PCDHGB6: variants seen among roughly 807,000 people sequenced by gnomAD.
The protein encoded by PCDHGB6 is protocadherin gamma-B6.
PCDHGB6 carries 51 observed loss-of-function variants against 59.1 expected under a neutral mutation model. The observed-to-expected ratio is 0.86, with a 90% CI of 0.69 to 1.09. The LOEUF (loss-of-function observed/expected upper bound fraction) is 1.09. PCDHGB6 is among the 50% of genes least tolerant of loss of function. The pLI, the probability that PCDHGB6 is intolerant of heterozygous loss-of-function variation, is 0.00. For synonymous variants in PCDHGB6, 466 were observed against 495.1 expected (o/e 0.94, Z 0.78); for missense variants, 1,148 against 1,205.1 (o/e 0.95, Z 0.70).
chr5:141,419,414 GCCTTCGACCACGAGCAGCTGCGCA>G, intron 1 of PCDHGB6: 1 of 1,613,428 alleles, frequency 6.2e-7, no homozygotes, highest in South Asian at 1.1e-5. Context: ...CGCGCAGCGC[GCCTTCGACCACGAGCAGCTGCGCA>G]CCTTCGAGCT....
intron 2 of PCDHGB6, among the ~76,000 whole-genome samples, chr5:141,503,598 C>CAAAAAAA (rs765754054): frequency 1.5e-5 from 1 of 65,730 alleles, no homozygotes; most frequent in Non-Finnish European, 3.4e-5. Flanking sequence ...GACTCCAGCT[C>CAAAAAAA]AAAAAAAAAA....
rs1437533706 is a variant in PCDHGB6, at chr5:141,511,419, G to C, written c.*246G>C. On this transcript the variant is annotated 3_prime_UTR_variant, in exon 4 of 4. Transcript: ENST00000520790. ...ATCCAATCAACTGCTGTACCCATGG[G>C]GGTAGTGGGGTTACTGTAGACACCA... The C allele has an allele frequency of 2.4e-6, 2 of 830,456 alleles. No individual in the cohort carries two copies. The highest frequency in any genetic ancestry group is 5.8e-5 in the East Asian group (2 of 34,260). 51.4% of individuals were successfully genotyped at this position (830,456 alleles called of 1,614,324 possible).
Position 141,432,075 on chromosome 5 carries a change from C to T in PCDHGB6, c.2418+21455C>T. On this transcript the variant is annotated intron_variant, in intron 1 of 3. Transcript: ENST00000520790. The surrounding 1 kb of genome is among the most constrained non-coding windows in gnomAD (Gnocchi z 6.0). ...CCCCTATCCACGGAAACTCATATCT[C>T]GCTGAACGTGGCAGACACCAACGAC... 3 of 1,614,204 alleles carry T rather than the reference C, an allele frequency of 1.9e-6. No homozygotes were observed. Among genetic ancestry groups the T allele is most frequent in the Non-Finnish European group, 2.5e-6 (3 of 1,180,046 alleles).
rs370704205 is a variant in PCDHGB6, at chr5:141,422,166, T to C, written c.2418+11546T>C. 4.5e-6 allele frequency: 7 copies of C among 1,569,374 alleles called. No individual in the cohort carries two copies. In the South Asian group the frequency reaches 8.5e-5, roughly 19 times the overall value. ...GGGGGTCTCTGGATTTTGAAAAATA[T>C]AGATTCTATGAGATGGAAATTCAAG... On this transcript the variant is annotated intron_variant, in intron 1 of 3. Coordinates refer to ENST00000520790, the MANE Select transcript of PCDHGB6 (RefSeq NM_018926.3).
chr5:141,409,000 C>CACTG lies in PCDHGB6; in HGVS notation c.801_804dup (p.Gln269Ter). On this transcript the variant is annotated frameshift_variant, in exon 1 of 4. Coordinates refer to ENST00000520790, the MANE Select transcript of PCDHGB6 (RefSeq NM_018926.3). LOFTEE classifies it high-confidence loss of function. Reference sequence around the variant, plus strand: ...GGTCCCCTGTGTTGCAAGTGACAGCCACTGACCAGGATGAGGGGGTCAATG... The same window carrying CACTG: ...GGTCCCCTGTGTTGCAAGTGACAGCCACTGACTGACCAGGATGAGGGGGTCAATG... The CACTG allele has an allele frequency of 6.2e-7, 1 of 1,613,950 alleles. No individual in the cohort carries two copies. The highest frequency in any genetic ancestry group is 8.5e-7 in the Non-Finnish European group (1 of 1,179,890).
chr5:141,433,255 A>G (rs2097579829), intron 1 of PCDHGB6: 2 of 1,401,470 alleles, frequency 1.4e-6, no homozygotes, highest in South Asian at 1.4e-5. Context: ...ATGCAGCGGT[A>G]CGATCATAGC....
rs911954966 is a variant in PCDHGB6, at chr5:141,491,081, C to G, written c.2419-3726C>G. On this transcript the variant is annotated intron_variant, in intron 1 of 3. Coordinates refer to ENST00000520790, the MANE Select transcript of PCDHGB6 (RefSeq NM_018926.3). This position sits in a 1 kb window ranked among gnomAD's most constrained non-coding sequence, Gnocchi z 6.9. ...TCCTACTCACTGTTGCCACAGTCCACAGCCCCAGGACTGTTCCTCGTGTCT... is the reference window on the plus strand; with the variant it reads ...TCCTACTCACTGTTGCCACAGTCCAGAGCCCCAGGACTGTTCCTCGTGTCT... The G allele has an allele frequency of 4.3e-6, 7 of 1,614,176 alleles. No individual in the cohort carries two copies. Among genetic ancestry groups the G allele is most frequent in the Non-Finnish European group, 5.9e-6 (7 of 1,180,010 alleles).
At chr5:141,456,364 G>A (rs778916049) in intron 1 of PCDHGB6, among the ~76,000 whole-genome samples, 2 of 152,258 alleles carry the variant, frequency 1.3e-5, no homozygotes, top group Admixed American at 6.5e-5. Flanking sequence ...TCCATGTGTG[G>A]TTCAGTTTAC....
At chr5:141,416,200 T>G (rs1318033556) in intron 1 of PCDHGB6, 2 of 152,444 alleles carry the variant, frequency 1.3e-5, no homozygotes, top group African/African-American at 4.8e-5. Context: ...ATTAACAATT[T>G]ATTTATAACA....
Position 141,453,270 on chromosome 5 carries a change from T to C in PCDHGB6, c.2419-41537T>C, listed in dbSNP as rs1592250907. 4.6e-5 allele frequency among the ~76,000 whole-genome samples: 7 copies of C among 152,146 alleles called. No homozygotes were observed. In the South Asian group the frequency reaches 1.5e-3, roughly 32 times the overall value. On this transcript the variant is annotated intron_variant, in intron 1 of 3. Transcript: ENST00000520790. The stretch of plus-strand genomic sequence containing the variant: ...CTGGGGCTGCAAGTGCACACCACCA[T>C]GACTGGCTAATTTTTTAATTATTTA...
At chr5:141,444,492 T>C (rs1052885639) in intron 1 of PCDHGB6, among the ~76,000 whole-genome samples, 1 of 152,122 alleles carries the variant, frequency 6.6e-6, no homozygotes, top group East Asian at 1.9e-4. Context: ...TTATATTGTG[T>C]AATACTTTGC....
In PCDHGB6 at chr5:141,485,053, G is replaced by A. The variant is rs555996081; in HGVS notation, c.2419-9754G>A. On this transcript the variant is annotated intron_variant, in intron 1 of 3. Coordinates refer to ENST00000520790, the MANE Select transcript of PCDHGB6 (RefSeq NM_018926.3). The surrounding 1 kb of genome is among the most constrained non-coding windows in gnomAD (Gnocchi z 5.7). ...GCGCGTAACCCTTGCGGCGCCGGCC[G>A]AACCGCGCCAGAGCTGGCGCGGGGA... 6.9e-5 allele frequency: 57 copies of A among 820,742 alleles called. 2 individuals carry two copies. In the South Asian group the frequency reaches 9.3e-4, roughly 13 times the overall value. 50.8% of individuals were successfully genotyped at this position (820,742 alleles called of 1,614,324 possible).
chr5:141,413,400 G>A (rs1328176117), intron 1 of PCDHGB6: 4 of 1,614,060 alleles, frequency 2.5e-6, no homozygotes, highest in Non-Finnish European at 2.5e-6. Context: ...CCAGAGGTAG[G>A]ACGCAGCTTT....
chr5:141,442,457 T>G (rs1209684998), intron 1 of PCDHGB6: 1 of 152,268 alleles, frequency 6.6e-6, no homozygotes, highest in African/African-American at 2.4e-5. Context: ...AATAGCAGTT[T>G]CACTGCAGAA....
chr5:141,461,347 G>C (rs2154567331), intron 1 of PCDHGB6, among the ~76,000 whole-genome samples: 1 of 152,242 alleles, frequency 6.6e-6, no homozygotes, highest in Admixed American at 6.5e-5. Flanking sequence ...GGACCAAGGT[G>C]GTAGCTCGTT....
In PCDHGB6 at chr5:141,477,815, G is replaced by C; in HGVS notation, c.2419-16992G>C. On this transcript the variant is annotated intron_variant, in intron 1 of 3. Coordinates refer to ENST00000520790, the MANE Select transcript of PCDHGB6 (RefSeq NM_018926.3). The surrounding 1 kb of genome is among the most constrained non-coding windows in gnomAD (Gnocchi z 4.9). ...TGATCGCAATGACAATGCCCCCCAG[G>C]TCCTATATCCTCGGCCAGGTGGGAG... 1 of 1,614,106 alleles carries C rather than the reference G, an allele frequency of 6.2e-7. No homozygotes were observed. Among genetic ancestry groups the C allele is most frequent in the Non-Finnish European group, 8.5e-7 (1 of 1,180,034 alleles).
chr5:141,419,137 C>G, intron 1 of PCDHGB6: 2 of 1,613,892 alleles, frequency 1.2e-6, no homozygotes, highest in Non-Finnish European at 1.7e-6. Context: ...CAGCCACAGA[C>G]AGGGGCAAGC....
intron 2 of PCDHGB6, among the ~76,000 whole-genome samples, chr5:141,496,335 C>G (rs2099768099): frequency 1.3e-5 from 2 of 152,204 alleles, no homozygotes; most frequent in Admixed American, 6.5e-5. Flanking sequence ...AAGTCAGGAG[C>G]CTGGAGGAGT....
intron 1 of PCDHGB6, chr5:141,476,000 T>A (rs2099383773): frequency 1.6e-6 from 2 of 1,225,380 alleles, no homozygotes; most frequent in African/African-American, 1.5e-5. Flanking sequence ...ATCAACGGCA[T>A]CCAGAAAGCC....
Sources: gnomAD v4.1 joint callset for allele counts (sites outside exome capture counted in the v4.1 genomes callset) on GRCh38, gnomAD v4.1.1 for gene constraint, Gnocchi (gnomAD v3.1) non-coding constraint, MANE v1.5 for transcripts, NCBI Gene and HGNC (gene_info 2026-07-23, HGNC 2026-07-21) for gene names.